The following ASIC2 variants were observed in gnomAD, a reference collection of about 807,000 sequenced individuals.
ASIC2 encodes acid-sensing ion channel 2.
A neutral mutation model predicts 57.3 loss-of-function variants in ASIC2; 25 were observed. The ratio of observed to expected loss-of-function variants is 0.44; its 90% CI spans 0.32 to 0.61. The LOEUF is 0.61. Among genes scored for constraint, ASIC2 ranks in the 20% least tolerant of loss-of-function variants. The pLI, the probability that ASIC2 is intolerant of heterozygous loss-of-function variation, is 0.06. For synonymous variants in ASIC2, 319 were observed against 307.5 expected (o/e 1.04, Z -0.39); for missense variants, 641 against 738.1 (o/e 0.87, Z 1.52).
At chr17:33,776,533 T>C (rs1911284378) in intron 1 of ASIC2, among the ~76,000 whole-genome samples, 1 of 152,184 alleles carries the variant, frequency 6.6e-6, no homozygotes, top group Admixed American at 6.5e-5. Context: ...GATGCAGAGT[T>C]ACATTTGAAA....
intron 1 of ASIC2, among the ~76,000 whole-genome samples, chr17:33,857,277 T>A (rs1913985109): frequency 6.6e-6 from 1 of 152,020 alleles, no homozygotes; most frequent in Non-Finnish European, 1.5e-5. Flanking sequence ...AAGAGTAGAA[T>A]TAAAAGTCAG....
chr17:34,123,412 C>T (rs1911684476), intron 1 of ASIC2, among the ~76,000 whole-genome samples: 1 of 152,156 alleles, frequency 6.6e-6, no homozygotes, highest in African/African-American at 2.4e-5. Flanking sequence ...CCTTTGTAGA[C>T]TACCAGGGAG....
At chr17:33,941,179 A>G (rs1305354391) in intron 1 of ASIC2, among the ~76,000 whole-genome samples, 1 of 152,234 alleles carries the variant, frequency 6.6e-6, no homozygotes, top group African/African-American at 2.4e-5. Context: ...ATGAGGGGCC[A>G]GACGAGCCTC....
At chr17:33,330,497 G>A (rs903478243) in intron 1 of ASIC2, among the ~76,000 whole-genome samples, 1 of 152,208 alleles carries the variant, frequency 6.6e-6, no homozygotes, top group East Asian at 1.9e-4. Flanking sequence ...TGACACCTTC[G>A]GGCTCAGTCA....
chr17:33,605,496 C>A (rs1265479948), intron 1 of ASIC2, among the ~76,000 whole-genome samples: 1 of 152,176 alleles, frequency 6.6e-6, no homozygotes, highest in African/African-American at 2.4e-5. Flanking sequence ...GGAAGCAAAA[C>A]AAGCTCAATT....
intron 1 of ASIC2, chr17:34,155,922 C>G (rs1190051728): frequency 3.3e-6 from 5 of 1,535,622 alleles, no homozygotes; most frequent in Non-Finnish European, 3.5e-6. Flanking sequence ...AGGAGACCAC[C>G]GGCGCACCAC....
chr17:33,634,044 CT>C (rs1442338295), intron 1 of ASIC2, among the ~76,000 whole-genome samples: 1 of 152,206 alleles, frequency 6.6e-6, no homozygotes, highest in East Asian at 1.9e-4. Flanking sequence ...GTGGGTGCTG[CT>C]AGACCACAGC....
intron 1 of ASIC2, among the ~76,000 whole-genome samples, chr17:33,759,927 C>T (rs1454099276): frequency 6.6e-6 from 1 of 152,180 alleles, no homozygotes; most frequent in African/African-American, 2.4e-5. Flanking sequence ...AAAGTCCCCA[C>T]TAGGGTAATG....
chr17:34,007,969 T>C (rs542582436), intron 1 of ASIC2, among the ~76,000 whole-genome samples: 9 of 152,348 alleles, frequency 5.9e-5, no homozygotes, highest in South Asian at 2.1e-4. Context: ...CTTGGTTCAT[T>C]TTTCAATCAC....
chr17:34,112,714 C>T (rs558394605), intron 1 of ASIC2, among the ~76,000 whole-genome samples: 1 of 152,036 alleles, frequency 6.6e-6, no homozygotes, highest in East Asian at 1.9e-4. Context: ...TTGTTACAGG[C>T]TGGGTAGTGA....
chr17:33,470,931 C>A (rs1034687982), intron 1 of ASIC2, among the ~76,000 whole-genome samples: 1 of 142,350 alleles, frequency 7.0e-6, no homozygotes, highest in Non-Finnish European at 1.6e-5. Flanking sequence ...TCTTGCACAT[C>A]ATTTCCCCTG....
At chr17:33,319,084 G>A (rs1031429505) in intron 1 of ASIC2, among the ~76,000 whole-genome samples, 1 of 152,170 alleles carries the variant, frequency 6.6e-6, no homozygotes, top group Non-Finnish European at 1.5e-5. Context: ...GACCAACATG[G>A]CCAGGTGTGG....
Position 33,086,789 on chromosome 17 carries a change from G to A in ASIC2, c.987+2074C>T, listed in dbSNP as rs550939864. Among the ~76,000 whole-genome samples, 14 of 152,154 alleles carry A rather than the reference G, an allele frequency of 9.2e-5. No individual in the cohort carries two copies. In the South Asian group the frequency reaches 1.5e-3, roughly 16 times the overall value. On this transcript the variant is annotated intron_variant, in intron 3 of 9. Coordinates refer to ENST00000225823, the MANE Select transcript of ASIC2 (RefSeq NM_183377.2). ...CTGAATATAGGGCCCCTGTCTCCCC[G>A]TCTCTGTGGGAGGGTAGGAGCCTAA... is the stretch of plus-strand genomic sequence containing the variant.
chr17:33,632,329 G>A (rs1228311709), intron 1 of ASIC2, among the ~76,000 whole-genome samples: 2 of 151,956 alleles, frequency 1.3e-5, no homozygotes, highest in African/African-American at 2.4e-5. Context: ...TAATAATAAC[G>A]CTTAAGATTG....
intron 3 of ASIC2, among the ~76,000 whole-genome samples, chr17:33,063,465 C>G (rs994252312): frequency 4.6e-5 from 7 of 152,134 alleles, no homozygotes; most frequent in Non-Finnish European, 8.8e-5. Context: ...AAAATTCTTT[C>G]CTTTAAGAAT....
At chr17:33,310,402 C>T (rs1055033127) in intron 1 of ASIC2, among the ~76,000 whole-genome samples, 1 of 152,178 alleles carries the variant, frequency 6.6e-6, no homozygotes, top group Non-Finnish European at 1.5e-5. Context: ...GACTTATACA[C>T]ATCTAGGCTG....
intron 1 of ASIC2, among the ~76,000 whole-genome samples, chr17:33,358,977 G>A (rs1263656653): frequency 2.0e-5 from 3 of 152,198 alleles, no homozygotes; most frequent in Non-Finnish European, 4.4e-5. Context: ...CTTTTAGAAA[G>A]GTTCCTTAAA....
chr17:34,135,770 T>C (rs1341815149), intron 1 of ASIC2, among the ~76,000 whole-genome samples: 1 of 152,134 alleles, frequency 6.6e-6, no homozygotes, highest in Non-Finnish European at 1.5e-5. Context: ...AAGGCAGGAC[T>C]TGTATTTTAA....
intron 1 of ASIC2, among the ~76,000 whole-genome samples, chr17:34,126,727 G>A (rs1373995414): frequency 6.6e-6 from 1 of 152,158 alleles, no homozygotes; most frequent in African/African-American, 2.4e-5. Context: ...AGGGGATGGA[G>A]GTGGATGGGA....
Sources: gnomAD v4.1 joint callset for allele counts (sites outside exome capture counted in the v4.1 genomes callset) on GRCh38, gnomAD v4.1.1 for gene constraint, MANE v1.5 for transcripts, NCBI Gene and HGNC (gene_info 2026-07-23, HGNC 2026-07-21) for gene names.